Variants in PTPRD observed in about 807,000 individuals in gnomAD.
The protein encoded by PTPRD is protein tyrosine phosphatase receptor type D.
A neutral mutation model predicts 214.5 loss-of-function variants in PTPRD; 34 were observed. That is an observed-to-expected ratio of 0.16 (90% CI 0.12 to 0.21). The LOEUF (loss-of-function observed/expected upper bound fraction) is 0.21. Ranked by LOEUF, PTPRD falls within the 10% of genes least tolerant of loss-of-function variation. PTPRD has a pLI of 1.00. For synonymous variants in PTPRD, 1,128 were observed against 845.7 expected (o/e 1.33, Z -5.79); for missense variants, 2,545 against 2,398.7 (o/e 1.06, Z -1.27).
intron 3 of PTPRD, among the ~76,000 whole-genome samples, chr9:10,147,020 ATATTC>A (rs2099027662): frequency 6.6e-6 from 1 of 152,096 alleles, no homozygotes; most frequent in South Asian, 2.1e-4. Context: ...AGCCGATGGA[ATATTC>A]TACCCCGTGC....
intron 12 of PTPRD, among the ~76,000 whole-genome samples, chr9:8,719,853 A>C (rs1433608216): frequency 6.6e-6 from 1 of 151,512 alleles, no homozygotes; most frequent in East Asian, 1.9e-4. Flanking sequence ...ACTCTAAAAA[A>C]AAGAAAAAGA....
At chr9:9,574,935 G>C (rs960396836) in intron 7 of PTPRD, among the ~76,000 whole-genome samples, 154 bp from the exon 8 acceptor site, 3 of 152,076 alleles carry the variant, frequency 2.0e-5, no homozygotes, top group African/African-American at 7.2e-5. Context: ...TACAGTATTT[G>C]TCTGAAATAG....
At chr9:9,216,552 T>C (rs778171350) in intron 9 of PTPRD, among the ~76,000 whole-genome samples, 110 of 152,242 alleles carry the variant, frequency 7.2e-4, no homozygotes, top group Non-Finnish European at 1.4e-3. Flanking sequence ...ATCTTCCAGG[T>C]TCAGAGTGAA....
chr9:9,622,815 G>A (rs991177587), intron 7 of PTPRD, among the ~76,000 whole-genome samples: 2 of 152,182 alleles, frequency 1.3e-5, no homozygotes, highest in Non-Finnish European at 2.9e-5. Flanking sequence ...CACAACAGGG[G>A]TCTTTATTAC....
chr9:9,955,506 TTTTTGTTTTGTTTTG>T (rs1206298867), intron 4 of PTPRD, among the ~76,000 whole-genome samples: 4 of 149,808 alleles, frequency 2.7e-5, no homozygotes, highest in Non-Finnish European at 5.9e-5. Context: ...GTTTTCGTTT[TTTTTGTTTTGTTTTG>T]TTTTGTTTTT....
chr9:8,929,005 T>C (rs2098925223), intron 11 of PTPRD, among the ~76,000 whole-genome samples: 1 of 152,196 alleles, frequency 6.6e-6, no homozygotes, highest in Admixed American at 6.5e-5. Flanking sequence ...TATTGGTGTA[T>C]AGGAATGCCT....
chr9:9,147,572 A>T (rs984124006), intron 10 of PTPRD, among the ~76,000 whole-genome samples: 3 of 152,140 alleles, frequency 2.0e-5, no homozygotes, highest in African/African-American at 7.2e-5. Flanking sequence ...ATGAAATTCA[A>T]ATTTTAATGT....
At chr9:8,812,463 C>A (rs1444979376) in intron 11 of PTPRD, among the ~76,000 whole-genome samples, 3 of 152,014 alleles carry the variant, frequency 2.0e-5, no homozygotes, top group East Asian at 3.9e-4. Flanking sequence ...CCATCAATTC[C>A]CACTTATTTT....
At chr9:8,345,481 A>C (rs1340007450) in intron 39 of PTPRD, among the ~76,000 whole-genome samples, 1 of 152,032 alleles carries the variant, frequency 6.6e-6, no homozygotes, top group Non-Finnish European at 1.5e-5. Flanking sequence ...GCAGCATTTG[A>C]CTATCCCTAA....
At chr9:9,836,325 T>C (rs900515834) in intron 5 of PTPRD, among the ~76,000 whole-genome samples, 2 of 152,144 alleles carry the variant, frequency 1.3e-5, no homozygotes, top group African/African-American at 4.8e-5. Flanking sequence ...CAATATCAGG[T>C]AAACAAGACG....
chr9:9,615,051 A>G (rs10977878), intron 7 of PTPRD, among the ~76,000 whole-genome samples: 20,439 of 152,106 alleles, frequency 0.13, 1,694 homozygotes, highest in African/African-American at 0.23. Flanking sequence ...AAGGGTCAGC[A>G]ACGTGGGTGT....
chr9:9,775,842 G>A lies in PTPRD; in HGVS notation c.-367-8991C>T, dbSNP rs569722147. Among the ~76,000 whole-genome samples, 15 of 149,418 alleles carry A rather than the reference G, an allele frequency of 1.0e-4. No homozygotes were observed. The East Asian group carries it at 3.1e-3, about 31-fold the overall frequency. On this transcript the variant is annotated intron_variant, in intron 5 of 45. Coordinates refer to ENST00000381196, the MANE Select transcript of PTPRD (RefSeq NM_002839.4). ...ATGGTGGCGGACGCCTGCAGTCCCA[G>A]CTACTTGGGAGGCTGAGGCAGGAGA... is the stretch of plus-strand genomic sequence containing the variant.
intron 9 of PTPRD, among the ~76,000 whole-genome samples, chr9:9,275,139 A>ATATAT (rs1944817711): frequency 4.2e-5 from 2 of 48,038 alleles, no homozygotes; most frequent in African/African-American, 8.3e-5. Context: ...TATATATAAT[A>ATATAT]TATATATAAT....
intron 9 of PTPRD, among the ~76,000 whole-genome samples, chr9:9,353,784 G>A (rs950051735): frequency 6.6e-6 from 1 of 151,792 alleles, no homozygotes; most frequent in African/African-American, 2.4e-5. Flanking sequence ...CACAAAGTTG[G>A]CAGCTTAAAA....
chr9:10,243,018 T>G (rs1208467715), intron 3 of PTPRD, among the ~76,000 whole-genome samples: 1 of 151,900 alleles, frequency 6.6e-6, no homozygotes, highest in Non-Finnish European at 1.5e-5. Context: ...CATACACATT[T>G]CTGGTTTTGT....
In PTPRD at chr9:10,364,004, T is replaced by TGC. The variant is rs1565557224; in HGVS notation, c.-599-22988_-599-22987insGC. On this transcript the variant is annotated intron_variant, in intron 2 of 45. Transcript: ENST00000381196. ...CCACATTTTCGGGTTTTTTTTTTTT[T>TGC]TTTTTTTTTTTTTGAGATGGAGTCT... is the stretch of plus-strand genomic sequence containing the variant. Among the ~76,000 whole-genome samples the TGC allele has an allele frequency of 3.8e-5, 5 of 130,074 alleles. 1 individual carries two copies. The highest frequency in any genetic ancestry group is 1.6e-4 in the Admixed American group (2 of 12,668). 85.3% of individuals were successfully genotyped at this position (130,074 alleles called of 152,430 possible). A position where few individuals can be genotyped will look rare whatever the true frequency, so the allele number is the denominator to read the frequency against.
intron 9 of PTPRD, among the ~76,000 whole-genome samples, chr9:9,236,273 A>G (rs1260018532): frequency 6.6e-6 from 1 of 152,122 alleles, no homozygotes; most frequent in Non-Finnish European, 1.5e-5. Context: ...AAATAAATAC[A>G]CAAATAAGGA....
In PTPRD at chr9:9,134,058, C is replaced by CTTTTTTTTT. The variant is rs928663989; in HGVS notation, c.-143+49237_-143+49245dup. On this transcript the variant is annotated intron_variant, in intron 10 of 45. Coordinates refer to ENST00000381196, the MANE Select transcript of PTPRD (RefSeq NM_002839.4). Reference sequence around the variant, plus strand: ...TTCCAATAGTTCATATAGAATCATTCTTTTTTTTTTTTTTTTTTTTTTTTT... The same window carrying CTTTTTTTTT: ...TTCCAATAGTTCATATAGAATCATTCTTTTTTTTTTTTTTTTTTTTTTTTTTTTTTTTTT... Among the ~76,000 whole-genome samples the CTTTTTTTTT allele has an allele frequency of 2.3e-4, 17 of 75,424 alleles. 1 individual carries two copies. The highest frequency in any genetic ancestry group is 6.4e-4 in the Admixed American group (3 of 4,720). The allele number at this position is 75,424 out of a possible 152,430, so 49.5% of individuals were successfully genotyped here.
intron 11 of PTPRD, among the ~76,000 whole-genome samples, chr9:8,904,595 C>T (rs1039004511): frequency 1.3e-5 from 2 of 151,468 alleles, no homozygotes; most frequent in African/African-American, 4.9e-5. Context: ...TCGCTTGAAC[C>T]CGGGAGGCAA....
Sources: allele counts gnomAD v4.1 joint callset (sites outside exome capture counted in the v4.1 genomes callset), GRCh38; gene constraint gnomAD v4.1.1; transcripts MANE v1.5; gene names NCBI Gene and HGNC (gene_info 2026-07-23, HGNC 2026-07-21).